The following CORO1C variants were observed in gnomAD, a reference collection of about 807,000 sequenced individuals.
The protein encoded by CORO1C is coronin-1C.
CORO1C carries 14 observed loss-of-function variants against 51.2 expected under a neutral mutation model. That is an observed-to-expected ratio of 0.27 (90% CI 0.18 to 0.43). The LOEUF (loss-of-function observed/expected upper bound fraction) is 0.43, where lower values mean the gene tolerates loss of function less well. CORO1C is among the 20% of genes least tolerant of loss of function. CORO1C has a pLI of 1.00. For missense variants in CORO1C, 417 were observed against 607.8 expected (o/e 0.69, Z 3.30); for synonymous variants, 181 against 210.5 (o/e 0.86, Z 1.21).
At chr12:108,688,990 C>T (rs1481963752) in intron 2 of CORO1C, among the ~76,000 whole-genome samples, 2 of 148,184 alleles carry the variant, frequency 1.3e-5, no homozygotes, top group African/African-American at 5.0e-5. Flanking sequence ...GAGAGCGTAC[C>T]ACTACACTCC....
At chr12:108,654,503 A>T in intron 6 of CORO1C, 93 bp from the exon 7 acceptor site, 1 of 653,836 alleles carries the variant, frequency 1.5e-6, no homozygotes, top group South Asian at 2.5e-5. Context: ...CTTCTATCCC[A>T]ATTAAGCGAG....
At chr12:108,661,192 C>T (rs1199691982) in intron 4 of CORO1C, among the ~76,000 whole-genome samples, 2 of 152,184 alleles carry the variant, frequency 1.3e-5, no homozygotes, top group African/African-American at 4.8e-5. Context: ...CCCTCATGCT[C>T]TCTGTATTGC....
rs898772385 is a variant in CORO1C, at chr12:108,671,313, A to G, written c.318+6959T>C. On this transcript the variant is annotated intron_variant, in intron 3 of 10. Coordinates refer to ENST00000261401, the MANE Select transcript of CORO1C (RefSeq NM_014325.4). ...GTACTCCAGCCTGGGTGACAGAGCA[A>G]GACCTTGTCTCAAAAAAAGAAAGAA... Among the ~76,000 whole-genome samples, 3 of 152,262 alleles carry G rather than the reference A, an allele frequency of 2.0e-5. No individual in the cohort carries two copies. The South Asian group carries it at 6.2e-4, about 32-fold the overall frequency.
chr12:108,657,276 G>T (rs372988394), intron 6 of CORO1C, 28 bp downstream of exon 6: 2 of 1,607,320 alleles, frequency 1.2e-6, no homozygotes, highest in Non-Finnish European at 1.7e-6. Context: ...TCAAGTGAAA[G>T]CAAGTGGAAA....
At chr12:108,681,381 T>C (rs1192723424) in intron 2 of CORO1C, among the ~76,000 whole-genome samples, 1 of 152,166 alleles carries the variant, frequency 6.6e-6, no homozygotes, top group Non-Finnish European at 1.5e-5. Context: ...GCAGTATAAG[T>C]GAAAACAAAT....
chr12:108,671,369 T>C (rs955976191), intron 3 of CORO1C, among the ~76,000 whole-genome samples: 1 of 151,352 alleles, frequency 6.6e-6, no homozygotes, highest in Non-Finnish European at 1.5e-5. Context: ...GAAAAGAGGT[T>C]TGGAGAGAAA....
intron 2 of CORO1C, among the ~76,000 whole-genome samples, chr12:108,698,320 C>A (rs1270625452): frequency 1.3e-5 from 2 of 152,238 alleles, no homozygotes; most frequent in Non-Finnish European, 1.5e-5. Context: ...TGAGTACACA[C>A]CAACTGCACT....
rs954857060 is a variant in CORO1C, at chr12:108,656,571, C to T, written c.750+733G>A. ...GGTGTACCCAACAGCTCATTGAGAA[C>T]GGGCCATGATGACGATGGCGGTTTT... On this transcript the variant is annotated intron_variant, in intron 6 of 10. Coordinates refer to ENST00000261401, the MANE Select transcript of CORO1C (RefSeq NM_014325.4). Among the ~76,000 whole-genome samples, 12 of 152,166 alleles carry T rather than the reference C, an allele frequency of 7.9e-5. No individual in the cohort carries two copies. In the South Asian group the frequency reaches 8.3e-4, roughly 11 times the overall value.
intron 2 of CORO1C, among the ~76,000 whole-genome samples, chr12:108,698,875 C>T (rs573830787): frequency 1.1e-3 from 174 of 152,322 alleles, no homozygotes; most frequent in African/African-American, 3.9e-3. Flanking sequence ...GCCACATTGA[C>T]GCTAAGAGCT....
intron 2 of CORO1C, among the ~76,000 whole-genome samples, chr12:108,679,144 G>GAAA (rs58733297): frequency 2.1e-5 from 1 of 47,358 alleles, no homozygotes; most frequent in Non-Finnish European, 4.5e-5. Context: ...CAAGAAAAAA[G>GAAA]AAAAAAAAAA....
intron 6 of CORO1C, among the ~76,000 whole-genome samples, chr12:108,655,027 T>A (rs2032875347): frequency 6.6e-6 from 1 of 152,154 alleles, no homozygotes; most frequent in Non-Finnish European, 1.5e-5. Context: ...TTAAAGTACT[T>A]CTTTAATTAT....
intron 2 of CORO1C, among the ~76,000 whole-genome samples, chr12:108,681,579 C>A (rs1317909523): frequency 6.6e-6 from 1 of 152,078 alleles, no homozygotes; most frequent in Non-Finnish European, 1.5e-5. Flanking sequence ...GAAAAACCAC[C>A]ACCCTTGTAT....
intron 3 of CORO1C, among the ~76,000 whole-genome samples, chr12:108,677,571 C>T (rs1479270781): frequency 6.6e-6 from 1 of 152,212 alleles, no homozygotes; most frequent in South Asian, 2.1e-4. Flanking sequence ...TGGCATCTTA[C>T]GTCACTGTCT....
At position 108,647,418 on chromosome 12, in the gene CORO1C, T is replaced by C. The variant is rs746944357; in HGVS notation, c.1410A>G (p.Ala470=). The change falls in exon 11 of 11, where the codon GCA becomes GCG. Residue 470 remains alanine (A), a synonymous_variant. Transcript: ENST00000261401. ...ERISKLEQQM[A]KIAA is the part of the protein sequence containing the mutation. ...GGTGGGACCTTCAGGCTGCTATCTTTGCCATCTGCTGTTCTAACTTGGAAA... is the reference window on the plus strand; with the variant it reads ...GGTGGGACCTTCAGGCTGCTATCTTCGCCATCTGCTGTTCTAACTTGGAAA... 2 of 1,613,718 alleles carry C rather than the reference T, an allele frequency of 1.2e-6. No individual in the cohort carries two copies. The highest frequency in any genetic ancestry group is 1.7e-6 in the Non-Finnish European group (2 of 1,179,862).
rs780890146 is a variant in CORO1C at position 108,647,499 on chromosome 12, C to A, written c.1329G>T (p.Glu443Asp). Residue 443 changes from glutamate (E) to aspartate (D), a missense_variant, in exon 11 of 11, where the codon GAG (glutamate) becomes GAT (aspartate). Glu to Asp is a conservative substitution (Grantham distance 45, BLOSUM62 2). Transcript: ENST00000261401. ...TTATAGATTTGATCTCTTTTAAAAT[C>A]TCATCCAACTTGGCTTCATTTTGCT... ...ASVQNEAKLD[E>D]ILKEIKSIKD... 18 of 1,603,212 alleles carry A rather than the reference C, an allele frequency of 1.1e-5. No individual in the cohort carries two copies. In the Middle Eastern group the frequency reaches 5.0e-4, roughly 44 times the overall value.
intron 1 of CORO1C, among the ~76,000 whole-genome samples, chr12:108,705,260 C>T (rs2034993096): frequency 6.6e-6 from 1 of 152,016 alleles, no homozygotes; most frequent in African/African-American, 2.4e-5. Flanking sequence ...AGGCAGATCA[C>T]TTGAAGTCAG....
chr12:108,685,741 T>TA (rs2034271659), intron 2 of CORO1C, among the ~76,000 whole-genome samples: 2 of 152,216 alleles, frequency 1.3e-5, no homozygotes, highest in Non-Finnish European at 2.9e-5. Context: ...AATCCTTAAA[T>TA]AAAACAGAGA....
Position 108,706,197 on chromosome 12 carries a change from A to AC in CORO1C, c.-5-4875_-5-4874insG, listed in dbSNP as rs796867289. On this transcript the variant is annotated intron_variant, in intron 1 of 10. Coordinates refer to ENST00000261401, the MANE Select transcript of CORO1C (RefSeq NM_014325.4). ...GTGAGACTCTGAATCAAAAAAAAAC[A>AC]AAAAAAACAAAAAAAAAGCATTTGA... Among the ~76,000 whole-genome samples the AC allele has an allele frequency of 1.1e-4, 17 of 147,862 alleles. No homozygotes were observed. The South Asian group carries it at 1.7e-3, about 15-fold the overall frequency.
intron 7 of CORO1C, among the ~76,000 whole-genome samples, chr12:108,653,226 C>CAT (rs2032762614): frequency 1.3e-5 from 2 of 152,230 alleles, no homozygotes; most frequent in Admixed American, 1.3e-4. Flanking sequence ...GTCATTTCTG[C>CAT]ATGCCCAAAA....
Sources: allele counts gnomAD v4.1 joint callset (sites outside exome capture counted in the v4.1 genomes callset), GRCh38; gene constraint gnomAD v4.1.1; transcripts MANE v1.5; gene names NCBI Gene and HGNC (gene_info 2026-07-23, HGNC 2026-07-21).